MLXIPL: variants seen among roughly 807,000 people sequenced by gnomAD.
MLXIPL encodes the protein MLX interacting protein like.
Under a neutral mutation model 81.5 loss-of-function variants are expected in MLXIPL, and 49 were observed. That is an observed-to-expected ratio of 0.60 (90% CI 0.48 to 0.76). The LOEUF (loss-of-function observed/expected upper bound fraction) is 0.76, where lower values mean the gene tolerates loss of function less well. MLXIPL is among the 30% of genes least tolerant of loss of function. The pLI, the probability that MLXIPL is intolerant of heterozygous loss-of-function variation, is 0.00. For missense variants in MLXIPL, 1,053 were observed against 1,167.0 expected (o/e 0.90, Z 1.42); for synonymous variants, 466 against 485.5 (o/e 0.96, Z 0.53).
intron 2 of MLXIPL, chr7:73,609,605 T>C: frequency 6.8e-6 from 1 of 146,628 alleles, no homozygotes; most frequent in Non-Finnish European, 1.5e-5. Context: ...AAACAAGGAC[T>C]GAATCTGTTG....
At chr7:73,634,805 T>TTTATTATTATTATTA in the MLXIPL span, among the ~76,000 whole-genome samples, 2,444 of 147,006 alleles carry the variant, frequency 0.017, 58 homozygotes, top group African/African-American at 0.041. Flanking sequence ...TCTATATGTA[T>TTTATTATTATTATTA]TTATTATTAT....
chr7:73,639,813 C>T, the MLXIPL span, among the ~76,000 whole-genome samples: 1 of 151,968 alleles, frequency 6.6e-6, no homozygotes, highest in Non-Finnish European at 1.5e-5. Context: ...AATCCCAGCA[C>T]TTTGGGAGGC....
intron 7 of MLXIPL, among the ~76,000 whole-genome samples, chr7:73,601,176 AGTGTGTGTGTGTGTGTGT>A (rs55639253): frequency 1.1e-3 from 152 of 137,730 alleles, no homozygotes; most frequent in African/African-American, 3.9e-3. Context: ...TGCAGGGTCA[AGTGTGTGTGTGTGTGTGT>A]GTGTGTGTGT....
At position 73,595,666 on chromosome 7, in the gene MLXIPL, G is replaced by A. The variant is rs782130144; in HGVS notation, c.2281C>T (p.Arg761Cys). 13 of 1,614,032 alleles carry A rather than the reference G, an allele frequency of 8.1e-6. No homozygotes were observed. The highest frequency in any genetic ancestry group is 2.2e-5 in the East Asian group (1 of 44,884). Reference sequence around the variant, plus strand: ...CAGAACTTCCAGTTGTGCAGCGTACGGGTTCGGACGTAGTCATCAAACATG... The same window carrying A: ...CAGAACTTCCAGTTGTGCAGCGTACAGGTTCGGACGTAGTCATCAAACATG... The part of the protein sequence containing the change: ...RDMFDDYVRT[R>C]TLHNWKFWVF... Residue 761 changes from arginine to cysteine, a missense_variant, in exon 15 of 17, where the codon CGT becomes TGT. By Grantham distance (180) the Arg-to-Cys change is radical. Transcript: ENST00000313375.
chr7:73,617,994 C>T (rs769945471), intron 1 of MLXIPL, among the ~76,000 whole-genome samples: 1 of 152,190 alleles, frequency 6.6e-6, no homozygotes, highest in Non-Finnish European at 1.5e-5. Context: ...CTCCCTCTCT[C>T]GTCTCCATCC....
At chr7:73,630,572 C>T in the MLXIPL span, among the ~76,000 whole-genome samples, 4 of 152,210 alleles carry the variant, frequency 2.6e-5, no homozygotes, top group South Asian at 6.2e-4. Flanking sequence ...GGATTACAGG[C>T]GTGTGCCACT....
intron 2 of MLXIPL, among the ~76,000 whole-genome samples, chr7:73,613,481 C>T (rs1795822802): frequency 6.6e-6 from 1 of 152,022 alleles, no homozygotes; most frequent in South Asian, 2.1e-4. Flanking sequence ...CGCCTGTAGT[C>T]CCAGTTACTT....
chr7:73,594,176 G>A (rs1794075877), intron 16 of MLXIPL, 98 bp downstream of exon 16: 1 of 1,579,966 alleles, frequency 6.3e-7, no homozygotes, highest in Admixed American at 1.7e-5. Flanking sequence ...CCTAGGCTGT[G>A]TTGATGGCAA....
rs1412190186 is a variant in MLXIPL at position 73,607,389 on chromosome 7, C to T, written c.515G>A (p.Arg172Gln). ...AVVLEGNYWK[R>Q]RIEVVMREYH... ...TTCCCGCATCACCACCTCGATGCGC[C>T]GCTTCCAGTAGTTCCCCTCCAGGAC... The change falls in exon 4 of 17, where the codon CGG becomes CAG. Residue 172 changes from arginine (R) to glutamine (Q), a missense_variant. Coordinates refer to ENST00000313375, the MANE Select transcript of MLXIPL (RefSeq NM_032951.3). 3.2e-6 allele frequency: 5 copies of T among 1,562,760 alleles called. No homozygotes were observed. Among genetic ancestry groups the T allele is most frequent in the South Asian group, 1.2e-5 (1 of 84,968 alleles).
the MLXIPL span, among the ~76,000 whole-genome samples, chr7:73,637,059 C>CAAAAAA: frequency 0.2 from 23,712 of 117,672 alleles, 2,481 homozygotes; most frequent in African/African-American, 0.28. Context: ...GATTCCATCT[C>CAAAAAA]AAAAAAAAAA....
In MLXIPL at chr7:73,596,878, G is replaced by A; in HGVS notation, c.1658C>T (p.Ser553Phe). The A allele has an allele frequency of 6.2e-7, 1 of 1,611,510 alleles. No individual in the cohort carries two copies. The highest frequency in any genetic ancestry group is 8.5e-7 in the Non-Finnish European group (1 of 1,179,640). The change falls in exon 10 of 17, where the codon TCC (serine) becomes TTC (phenylalanine). Residue 553 changes from serine to phenylalanine, a missense_variant. Physicochemically the swap from Ser to Phe is radical, Grantham distance 155. Around this residue, in one of 3 missense-constraint regions of MLXIPL, gnomAD observed 823 missense variants for 933.0 expected, o/e 0.88. Transcript: ENST00000313375. The surrounding 1 kb of genome is among the most constrained non-coding windows in gnomAD (Gnocchi z 4.7). Reference protein sequence around the residue: ...PPLVSSTLLRSPGSPQETVPE... With the variant: ...PPLVSSTLLRFPGSPQETVPE... ...CCGAGATCTTACCGGGGACCCTGGG[G>A]ACCGGAGGAGGGTGCTGGATACAAG...
intron 2 of MLXIPL, chr7:73,609,609 T>C (rs1176564937): frequency 6.8e-6 from 1 of 146,448 alleles, no homozygotes; most frequent in African/African-American, 2.8e-5. Flanking sequence ...AAGGACTGAA[T>C]CTGTTGCCCA....
At position 73,594,489 on chromosome 7, in the gene MLXIPL, A is replaced by C. The variant is rs1794109951; in HGVS notation, c.2311-86T>G. 6 of 1,537,242 alleles carry C rather than the reference A, an allele frequency of 3.9e-6. No individual in the cohort carries two copies. The Admixed American group carries it at 1.0e-4, about 26-fold the overall frequency. ...CTGATGCCCAGTTCAAACCAGGGGAAGAAAGGGCCTGGACACTGTCTAACG... is the reference window on the plus strand; with the variant it reads ...CTGATGCCCAGTTCAAACCAGGGGACGAAAGGGCCTGGACACTGTCTAACG... On this transcript the variant is annotated intron_variant, in intron 15 of 16. Transcript: ENST00000313375.
rs1794913993 is a variant in MLXIPL, at chr7:73,602,159, C to CCTTCCTTCCTTCCTTCCTTCCTTCCTT, written c.902-2465_902-2464insAAGGAAGGAAGGAAGGAAGGAAGGAAG. ...TCCTTCCTTCCTTCCTTCCTTCCTT[C>CCTTCCTTCCTTCCTTCCTTCCTTCCTT]CTTCCTTTCTTTCCCTCTCTCTCTT... On this transcript the variant is annotated intron_variant, in intron 7 of 16. Coordinates refer to ENST00000313375, the MANE Select transcript of MLXIPL (RefSeq NM_032951.3). 2.0e-5 allele frequency among the ~76,000 whole-genome samples: 3 copies of CCTTCCTTCCTTCCTTCCTTCCTTCCTT among 148,780 alleles called. 1 individual carries two copies. The highest frequency in any genetic ancestry group is 7.5e-5 in the African/African-American group (3 of 40,088).
upstream of MLXIPL, among the ~76,000 whole-genome samples, chr7:73,629,137 G>A (rs1554604149): frequency 6.6e-6 from 1 of 151,886 alleles, no homozygotes; most frequent in Non-Finnish European, 1.5e-5. Context: ...CCACCTCCCG[G>A]ATTCAAGCGA....
intron 1 of MLXIPL, among the ~76,000 whole-genome samples, chr7:73,620,035 T>A (rs1221459641): frequency 1.3e-5 from 2 of 151,794 alleles, no homozygotes; most frequent in Non-Finnish European, 2.9e-5. Flanking sequence ...TTTGGGAGGC[T>A]GAGGGGAGAG....
upstream of MLXIPL, among the ~76,000 whole-genome samples, chr7:73,626,207 C>T (rs1554603799): frequency 6.6e-6 from 1 of 152,112 alleles, no homozygotes; most frequent in African/African-American, 2.4e-5. Context: ...TTTCTCCATG[C>T]TGGCCAGGCT....
At chr7:73,634,296 C>T in the MLXIPL span, among the ~76,000 whole-genome samples, 1 of 152,228 alleles carries the variant, frequency 6.6e-6, no homozygotes, top group African/African-American at 2.4e-5. Context: ...CTTTGAGAGG[C>T]TGAGGTGGGA....
chr7:73,597,719 TG>T lies in MLXIPL; in HGVS notation c.1072-7del, dbSNP rs782513697. The stretch of plus-strand genomic sequence containing the variant: ...CCAGGGCAGCTGTTCCGAGCCTGGT[TG>T]GGGGGACAGACAGACACTCAGAGAG... On this transcript the variant is annotated splice_region_variant and splice_polypyrimidine_tract_variant and intron_variant, in intron 8 of 16. Coordinates refer to ENST00000313375, the MANE Select transcript of MLXIPL (RefSeq NM_032951.3). The T allele has an allele frequency of 1.5e-6, 2 of 1,332,146 alleles. No individual in the cohort carries two copies. The highest frequency in any genetic ancestry group is 2.8e-5 in the East Asian group (1 of 36,350). 82.5% of individuals were successfully genotyped at this position (1,332,146 alleles called of 1,614,324 possible).
Sources: gnomAD v4.1 joint callset for allele counts (sites outside exome capture counted in the v4.1 genomes callset) on GRCh38, gnomAD v4.1.1 for gene constraint, gnomAD v4.1.1 regional missense constraint, Gnocchi (gnomAD v3.1) non-coding constraint, MANE v1.5 for transcripts, NCBI Gene and HGNC (gene_info 2026-07-23, HGNC 2026-07-21) for gene names.